Variants in IL17RD observed in about 807,000 individuals in gnomAD.
IL17RD encodes the protein interleukin 17 receptor D.
A neutral mutation model predicts 80.5 loss-of-function variants in IL17RD; 52 were observed. That is an observed-to-expected ratio of 0.65 (90% CI 0.52 to 0.81). The LOEUF (loss-of-function observed/expected upper bound fraction) is 0.81. Ranked by LOEUF, IL17RD falls within the 40% of genes least tolerant of loss-of-function variation. The probability of loss-of-function intolerance (pLI) is 0.00; values close to 1 mark genes in which losing one functional copy is unlikely to be tolerated. For missense variants in IL17RD, 1,024 were observed against 955.1 expected, an observed-to-expected ratio of 1.07 and a Z score of -0.95; for synonymous variants, 416 against 391.8, an observed-to-expected ratio of 1.06 and a Z score of -0.73.
In IL17RD at chr3:57,163,341, G is replaced by A. The variant is rs541176993; in HGVS notation, c.126+1820C>T. Among the ~76,000 whole-genome samples the A allele has an allele frequency of 3.9e-5, 6 of 152,272 alleles. No individual in the cohort carries two copies. The South Asian group carries it at 1.2e-3, about 32-fold the overall frequency. ...GTCAGCATAAGTGTGAGGTGACTGG[G>A]ACAGAGCCACCATTTTATGAGGGTG... On this transcript the variant is annotated intron_variant, in intron 1 of 12. Coordinates refer to ENST00000296318, the MANE Select transcript of IL17RD (RefSeq NM_017563.5).
At chr3:57,103,232 TCC>T (rs1706878558) in intron 8 of IL17RD, 87 bp from the exon 9 acceptor site, 3 of 1,181,220 alleles carry the variant, frequency 2.5e-6, no homozygotes, top group African/African-American at 1.5e-5. Flanking sequence ...ATTCATCTTT[TCC>T]ATCAGTGGGC....
intron 3 of IL17RD, among the ~76,000 whole-genome samples, chr3:57,114,234 TTTCA>T (rs1411109698): frequency 6.6e-6 from 1 of 152,034 alleles, no homozygotes; most frequent in African/African-American, 2.4e-5. Flanking sequence ...AATGAATTGA[TTTCA>T]TTGTCTTTCA....
chr3:57,155,840 C>G (rs541004522), intron 1 of IL17RD, among the ~76,000 whole-genome samples: 43 of 152,330 alleles, frequency 2.8e-4, no homozygotes, highest in South Asian at 1.0e-3. Flanking sequence ...ATCCGCCTGC[C>G]TTGGCCTCCC....
chr3:57,108,941 C>T (rs571983807), intron 5 of IL17RD, among the ~76,000 whole-genome samples: 3 of 152,126 alleles, frequency 2.0e-5, no homozygotes, highest in Non-Finnish European at 4.4e-5. Context: ...TGTGCTGTGC[C>T]TGGTAATGCA....
intron 7 of IL17RD, 101 bp downstream of exon 7, chr3:57,105,756 G>A (rs1337936955): frequency 8.6e-6 from 8 of 931,594 alleles, no homozygotes; most frequent in Non-Finnish European, 1.6e-6. Flanking sequence ...ACCACTGAGA[G>A]CCAACAAAGC....
At chr3:57,163,101 G>A (rs1559489419) in intron 1 of IL17RD, among the ~76,000 whole-genome samples, 1 of 152,202 alleles carries the variant, frequency 6.6e-6, no homozygotes, top group Non-Finnish European at 1.5e-5. Context: ...CAAAGCATGT[G>A]GGGAAACTGG....
chr3:57,127,597 G>A (rs2107510216), intron 1 of IL17RD, among the ~76,000 whole-genome samples: 1 of 150,986 alleles, frequency 6.6e-6, no homozygotes, highest in African/African-American at 2.4e-5. Flanking sequence ...GTAGAGACAG[G>A]TGTTTCCCCA....
chr3:57,101,908 T>C (rs1390864956), intron 10 of IL17RD, among the ~76,000 whole-genome samples: 2 of 152,144 alleles, frequency 1.3e-5, no homozygotes, highest in Non-Finnish European at 2.9e-5. Context: ...CCTACCTATA[T>C]CCTTACTTAT....
In IL17RD at chr3:57,097,703, G is replaced by C. The variant is rs754263562; in HGVS notation, c.2000C>G (p.Ser667Trp). The change falls in exon 12 of 13, where the codon TCG becomes TGG. Residue 667 changes from serine (S) to tryptophan (W), a missense_variant. Physicochemically the swap from Ser to Trp is radical, Grantham distance 177. Transcript: ENST00000296318. Reference sequence around the variant, plus strand: ...AGACAGCTCGGATGAGGGCACAGACGAGTCATAGATGCCTGAGTCCCGCGG... The same window carrying C: ...AGACAGCTCGGATGAGGGCACAGACCAGTCATAGATGCCTGAGTCCCGCGG... ...DMPRDSGIYDSSVPSSELSLP... is the reference protein window; with the variant it reads ...DMPRDSGIYDWSVPSSELSLP... 1.9e-6 allele frequency: 3 copies of C among 1,605,202 alleles called. No individual in the cohort carries two copies. The highest frequency in any genetic ancestry group is 4.5e-5 in the East Asian group (2 of 44,654).
At chr3:57,160,312 G>GA (rs58416765) in intron 1 of IL17RD, among the ~76,000 whole-genome samples, 5,605 of 145,778 alleles carry the variant, frequency 0.038, 152 homozygotes, top group Non-Finnish European at 0.052. Flanking sequence ...CTTTAAAAAA[G>GA]AAAAAAAAAA....
chr3:57,143,090 A>C (rs1020913528), intron 1 of IL17RD, among the ~76,000 whole-genome samples: 4 of 152,260 alleles, frequency 2.6e-5, no homozygotes, highest in African/African-American at 9.6e-5. Flanking sequence ...AGTTTACATT[A>C]TCACAAACCA....
chr3:57,167,524 G>A (rs967109490), upstream of IL17RD, among the ~76,000 whole-genome samples: 2 of 152,140 alleles, frequency 1.3e-5, no homozygotes, highest in African/African-American at 4.8e-5. Context: ...GTGAAACAGG[G>A]AGGAAACAAT....
chr3:57,142,589 G>C, intron 1 of IL17RD: 2 of 926,152 alleles, frequency 2.2e-6, no homozygotes, highest in African/African-American at 1.7e-5. Context: ...CCGCTGTGTT[G>C]GTGTCGCCAA....
intron 1 of IL17RD, among the ~76,000 whole-genome samples, chr3:57,163,958 G>T (rs1021116469): frequency 6.6e-6 from 1 of 152,168 alleles, no homozygotes; most frequent in Non-Finnish European, 1.5e-5. Flanking sequence ...GCACCAGCCT[G>T]CGTGCCTAAG....
At chr3:57,143,310 C>T (rs1304487875) in intron 1 of IL17RD, among the ~76,000 whole-genome samples, 2 of 152,184 alleles carry the variant, frequency 1.3e-5, no homozygotes, top group African/African-American at 2.4e-5. Flanking sequence ...AAAACTGTCT[C>T]AGTGCTGGAG....
At chr3:57,142,162 GC>G (rs1195320851) in intron 1 of IL17RD, among the ~76,000 whole-genome samples, 2 of 152,198 alleles carry the variant, frequency 1.3e-5, no homozygotes, top group African/African-American at 4.8e-5. Context: ...CTTCGGACTA[GC>G]TAAAGGTTTT....
chr3:57,110,096 AT>A, intron 4 of IL17RD, 96 bp downstream of exon 4: 1 of 1,414,200 alleles, frequency 7.1e-7, no homozygotes, highest in East Asian at 2.5e-5. Context: ...GGTGGACCCC[AT>A]AGCCCCTCCT....
At chr3:57,148,100 G>GC (rs1468428553) in intron 1 of IL17RD, among the ~76,000 whole-genome samples, 1 of 107,712 alleles carries the variant, frequency 9.3e-6, no homozygotes, top group Admixed American at 9.5e-5. Flanking sequence ...GGGGGGGGGG[G>GC]GGGGCGATCG....
chr3:57,163,800 G>C (rs1259279850), intron 1 of IL17RD, among the ~76,000 whole-genome samples: 1 of 99,360 alleles, frequency 1.0e-5, no homozygotes, highest in Non-Finnish European at 2.1e-5. Flanking sequence ...GGGCGGGGGG[G>C]GAAGGGGGTG....
Sources: allele counts gnomAD v4.1 joint callset (sites outside exome capture counted in the v4.1 genomes callset), GRCh38; gene constraint gnomAD v4.1.1; transcripts MANE v1.5; gene names NCBI Gene and HGNC (gene_info 2026-07-23, HGNC 2026-07-21).